The following NDST3 variants were observed in gnomAD, a reference collection of about 807,000 sequenced individuals.
The protein encoded by NDST3 is N-deacetylase and N-sulfotransferase 3.
Under a neutral mutation model 96.1 loss-of-function variants are expected in NDST3, and 58 were observed. The ratio of observed to expected loss-of-function variants is 0.60; its 90% CI spans 0.49 to 0.75. NDST3 has a LOEUF of 0.75. Among genes scored for constraint, NDST3 ranks in the 30% least tolerant of loss-of-function variants. NDST3 has a pLI of 0.00. For synonymous variants in NDST3, 333 were observed against 359.7 expected (o/e 0.93, Z 0.84); for missense variants, 788 against 1,034.2 (o/e 0.76, Z 3.27).
At chr4:118,082,091 A>G (rs1156273053) in intron 2 of NDST3, among the ~76,000 whole-genome samples, 1 of 152,094 alleles carries the variant, frequency 6.6e-6, no homozygotes, top group Non-Finnish European at 1.5e-5. Context: ...CACACACACA[A>G]ATTCCTATCA....
intron 2 of NDST3, among the ~76,000 whole-genome samples, chr4:118,080,066 C>G (rs538291701): frequency 6.6e-6 from 1 of 152,260 alleles, no homozygotes; most frequent in Non-Finnish European, 1.5e-5. Context: ...TCACCTGATC[C>G]TCTGTATCAA....
Position 118,258,561 on chromosome 4 carries a change from T to TA in NDST3, c.*2855dup, listed in dbSNP as rs1262102748. On this transcript the variant is annotated 3_prime_UTR_variant, in exon 14 of 14. Transcript: ENST00000296499. ...ATTTTTTTCTCTGAGTTTTTTAAAA[T>TA]AAAAAACCTAGATATAATTCTGATA... 6.6e-6 allele frequency: 1 copy of TA among 152,104 alleles called. No homozygotes were observed. Among genetic ancestry groups the TA allele is most frequent in the East Asian group, 1.9e-4 (1 of 5,180 alleles). The allele number at this position is 152,104 out of a possible 1,614,324, so 9.4% of individuals were successfully genotyped here. A position where few individuals can be genotyped will look rare whatever the true frequency, so the allele number is the denominator to read the frequency against.
intron 6 of NDST3, among the ~76,000 whole-genome samples, chr4:118,164,503 A>C (rs1735414094): frequency 6.6e-6 from 1 of 152,162 alleles, no homozygotes; most frequent in Non-Finnish European, 1.5e-5. Flanking sequence ...ATTAAAAGTT[A>C]GAAGAAATAA....
chr4:118,217,873 A>G (rs778312285), intron 6 of NDST3, among the ~76,000 whole-genome samples: 1 of 152,082 alleles, frequency 6.6e-6, no homozygotes, highest in Non-Finnish European at 1.5e-5. Context: ...ATCACCACTG[A>G]CCCCACAGAA....
intron 2 of NDST3, among the ~76,000 whole-genome samples, chr4:118,088,306 A>C (rs576890516): frequency 2.0e-5 from 3 of 152,114 alleles, no homozygotes; most frequent in Non-Finnish European, 4.4e-5. Context: ...TCATGTTCAA[A>C]TAATTTTCTG....
At chr4:118,239,966 A>C (rs1740906231) in intron 10 of NDST3, among the ~76,000 whole-genome samples, 1 of 152,142 alleles carries the variant, frequency 6.6e-6, no homozygotes, top group Non-Finnish European at 1.5e-5. Context: ...CATTAGATAA[A>C]ATAATCTTGG....
At chr4:118,157,366 A>G (rs935841746) in intron 6 of NDST3, among the ~76,000 whole-genome samples, 3 of 151,664 alleles carry the variant, frequency 2.0e-5, no homozygotes, top group Non-Finnish European at 4.4e-5. Flanking sequence ...GAGAGCAGAA[A>G]AGTAAGGGGG....
chr4:118,091,151 G>A (rs906892167), intron 2 of NDST3, among the ~76,000 whole-genome samples: 1 of 151,646 alleles, frequency 6.6e-6, no homozygotes, highest in Non-Finnish European at 1.5e-5. Context: ...AGGGTGAAGA[G>A]TGGGAGTAGC....
intron 12 of NDST3, among the ~76,000 whole-genome samples, chr4:118,245,754 T>G (rs1394914941): frequency 6.6e-6 from 1 of 152,178 alleles, no homozygotes; most frequent in Non-Finnish European, 1.5e-5. Context: ...GTTGTAACAG[T>G]TCAAAATAAA....
intron 6 of NDST3, among the ~76,000 whole-genome samples, chr4:118,184,077 T>C (rs1269450961): frequency 6.6e-6 from 1 of 152,188 alleles, no homozygotes; most frequent in African/African-American, 2.4e-5. Context: ...CTCCTCTTCT[T>C]ACCTAGCAAA....
In NDST3 at chr4:118,237,111, A is replaced by C. The variant is rs764351251; in HGVS notation, c.2009A>C (p.Asn670Thr). 1 of 1,612,804 alleles carries C rather than the reference A, an allele frequency of 6.2e-7. No homozygotes were observed. Among genetic ancestry groups the C allele is most frequent in the Admixed American group, 1.7e-5 (1 of 59,852 alleles). ...GACTTTTTGTTTGAGAAGAGTGCCA[A>C]TTACTTCCACTCAGAGGAAGCCCCT... Reference protein sequence around the residue: ...TTDFLFEKSANYFHSEEAPKR... With the variant: ...TTDFLFEKSATYFHSEEAPKR... The change falls in exon 10 of 14, where the codon AAT becomes ACT. Residue 670 changes from asparagine to threonine, a missense_variant. Asn to Thr is a moderately conservative substitution (Grantham distance 65). Transcript: ENST00000296499.
At chr4:118,077,363 T>C (rs141920610) in intron 2 of NDST3, among the ~76,000 whole-genome samples, 12 of 152,312 alleles carry the variant, frequency 7.9e-5, no homozygotes, top group African/African-American at 2.6e-4. Context: ...TAGAACATAC[T>C]GGCAAAATAT....
Position 118,233,083 on chromosome 4 carries a change from T to G in NDST3, c.1891T>G (p.Phe631Val). ...TAGTAACTCCCCCAGCCCAAAAACC[T>G]TTGAGGAGGTACAGTTCTTTAATAG... ...ILSNSPSPKT[F>V]EEVQFFNRNN... Residue 631 changes from phenylalanine to valine, a missense_variant, in exon 9 of 14, where the codon TTT becomes GTT. Phe to Val is a conservative substitution (Grantham distance 50). This residue lies in a region of NDST3 where 490 missense variants were observed against 708.8 expected (regional missense o/e 0.69). Transcript: ENST00000296499. 1 of 1,612,848 alleles carries G rather than the reference T, an allele frequency of 6.2e-7. No homozygotes were observed. The highest frequency in any genetic ancestry group is 8.5e-7 in the Non-Finnish European group (1 of 1,178,952).
At chr4:118,231,837 C>T (rs573872294) in intron 8 of NDST3, among the ~76,000 whole-genome samples, 1 of 152,302 alleles carries the variant, frequency 6.6e-6, no homozygotes, top group African/African-American at 2.4e-5. Flanking sequence ...CTTACTTTCT[C>T]TTGTACCAAT....
chr4:118,108,530 A>C (rs1042226933), intron 3 of NDST3, among the ~76,000 whole-genome samples: 13 of 152,312 alleles, frequency 8.5e-5, no homozygotes, highest in East Asian at 1.9e-4. Flanking sequence ...TATCATGCTG[A>C]GAATTCTATC....
At chr4:118,061,107 T>C (rs1725858863) in intron 2 of NDST3, among the ~76,000 whole-genome samples, 1 of 152,098 alleles carries the variant, frequency 6.6e-6, no homozygotes, top group African/African-American at 2.4e-5. Context: ...CAACTTCCAG[T>C]GTCTTTATCT....
At chr4:118,172,438 AATC>A (rs1198394435) in intron 6 of NDST3, among the ~76,000 whole-genome samples, 2 of 152,210 alleles carry the variant, frequency 1.3e-5, no homozygotes, top group Non-Finnish European at 2.9e-5. Flanking sequence ...TGTGTAAATA[AATC>A]ATATTCACTT....
At chr4:118,121,922 T>C (rs1233428903) in intron 4 of NDST3, among the ~76,000 whole-genome samples, 1 of 152,222 alleles carries the variant, frequency 6.6e-6, no homozygotes, top group Non-Finnish European at 1.5e-5. Flanking sequence ...TTCTTTTCTT[T>C]GTAAATTCCT....
At chr4:118,231,469 A>G (rs1433408899) in intron 8 of NDST3, among the ~76,000 whole-genome samples, 1 of 151,000 alleles carries the variant, frequency 6.6e-6, no homozygotes, top group African/African-American at 2.4e-5. Flanking sequence ...TATTAATAAT[A>G]CCATATTAAT....
Sources: allele counts gnomAD v4.1 joint callset (sites outside exome capture counted in the v4.1 genomes callset), GRCh38; gene constraint gnomAD v4.1.1; regional missense constraint gnomAD v4.1.1; transcripts MANE v1.5; gene names NCBI Gene and HGNC (gene_info 2026-07-23, HGNC 2026-07-21).